The following GYG2 variants were observed in gnomAD, a reference collection of about 807,000 sequenced individuals.
The protein encoded by GYG2 is glycogenin 2, also known as glycogenin-2.
GYG2 carries 29 observed loss-of-function variants against 29.4 expected under a neutral mutation model. That is an observed-to-expected ratio of 0.99 (90% CI 0.74 to 1.35). The LOEUF (loss-of-function observed/expected upper bound fraction) is 1.35, where lower values mean the gene tolerates loss of function less well. Among genes scored for constraint, GYG2 ranks in the 40% most tolerant of loss-of-function variants. GYG2 has a pLI of 0.00. For synonymous variants in GYG2, 167 were observed against 172.3 expected, an observed-to-expected ratio of 0.97 and a Z score of 0.24; for missense variants, 370 against 385.7, an observed-to-expected ratio of 0.96 and a Z score of 0.34.
intron 7 of GYG2, 125 bp downstream of exon 7, chrX:2,860,190 G>T (rs1300003994): frequency 6.6e-6 from 3 of 452,333 alleles, no homozygotes; most frequent in Non-Finnish European, 1.1e-5. Context: ...TCATGGAAAA[G>T]AATACTGAGA....
intron 3 of GYG2, among the ~76,000 whole-genome samples, chrX:2,845,646 CATGTGTATGTACATACATTTATATAT>C (rs1320846730): frequency 1.5e-4 from 16 of 104,792 alleles, no homozygotes; most frequent in Non-Finnish European, 2.5e-4. Flanking sequence ...TTTATATACG[CATGTGTATGTACATACATTTATATAT>C]GCATGTGTAT....
At chrX:2,870,596 C>G (rs1263660445) in intron 8 of GYG2, among the ~76,000 whole-genome samples, 1 of 112,150 alleles carries the variant, frequency 8.9e-6, no homozygotes, top group Non-Finnish European at 1.9e-5. Context: ...ATACTTCAGT[C>G]TACTGACCTA....
At chrX:2,860,879 A>G (rs1262814212) in intron 7 of GYG2, among the ~76,000 whole-genome samples, 1 of 109,854 alleles carries the variant, frequency 9.1e-6, no homozygotes, top group African/African-American at 3.3e-5. Flanking sequence ...ACAGGTGCCT[A>G]CCACCACGCC....
chrX:2,844,232 A>G (rs1245054613), intron 3 of GYG2, among the ~76,000 whole-genome samples: 1 of 112,236 alleles, frequency 8.9e-6, no homozygotes. Flanking sequence ...TAAACTAAAA[A>G]GAGAACAAAT....
chrX:2,852,029 CA>C (rs2087882974), intron 3 of GYG2, among the ~76,000 whole-genome samples: 1 of 112,017 alleles, frequency 8.9e-6, no homozygotes, highest in Non-Finnish European at 1.9e-5. Flanking sequence ...CTGAGGCAGG[CA>C]GATTGCTTGA....
chrX:2,864,952 T>G (rs925457963), intron 8 of GYG2, among the ~76,000 whole-genome samples: 22 of 110,567 alleles, frequency 2.0e-4, no homozygotes, highest in Admixed American at 5.8e-4. Flanking sequence ...AAAGACCGGG[T>G]TTCACCATGT....
intron 8 of GYG2, among the ~76,000 whole-genome samples, chrX:2,866,055 C>T (rs779874817): frequency 2.3e-3 from 258 of 111,783 alleles, no homozygotes; most frequent in Middle Eastern, 0.014. Flanking sequence ...TACTATTCAA[C>T]CATAAAAAAG....
At chrX:2,829,998 CG>C in intron 1 of GYG2, 62 bp from the exon 2 acceptor site, 2 of 447,612 alleles carry the variant, frequency 4.5e-6, no homozygotes, top group Non-Finnish European at 7.8e-6. Flanking sequence ...GGTAGGAGGC[CG>C]GGGGTGACAC....
intron 9 of GYG2, among the ~76,000 whole-genome samples, chrX:2,876,522 A>G (rs1394931397): frequency 8.9e-6 from 1 of 111,740 alleles, no homozygotes; most frequent in Admixed American, 9.5e-5. Flanking sequence ...CATGAATTGC[A>G]TAAGAACTTG....
Position 2,830,094 on chromosome X carries a change from G to C in GYG2, c.-95G>C, listed in dbSNP as rs1170807276. On this transcript the variant is annotated 5_prime_UTR_variant, in exon 2 of 11. Transcript: ENST00000398806. ...ATCCACGCGGATTCCCGGAGACGGC[G>C]CCTCTGCTCTGCGGGTTCGTGGCGA... 1 of 861,032 alleles carries C rather than the reference G, an allele frequency of 1.2e-6. No homozygotes were observed. The highest frequency in any genetic ancestry group is 2.0e-5 in the African/African-American group (1 of 50,764). The allele number at this position is 861,032 out of a possible 1,213,427, so 71.0% of individuals were successfully genotyped here. A position where few individuals can be genotyped will look rare whatever the true frequency, so the allele number is the denominator to read the frequency against.
chrX:2,861,676 T>G lies in GYG2; in HGVS notation c.992T>G (p.Ile331Arg). The change falls in exon 8 of 11, where the codon ATA (isoleucine) becomes AGA (arginine). Residue 331 changes from isoleucine to arginine, a missense_variant. By Grantham distance (97) the Ile-to-Arg change is moderately conservative (BLOSUM62 -3). Transcript: ENST00000398806. Reference protein sequence around the residue: ...PAQGLPEPTQIVDETLSLPEG... With the variant: ...PAQGLPEPTQRVDETLSLPEG... ...CAGGGCCTTCCGGAGCCGACCCAGATAGTGGATGAGACCCTGTCCCTACCT... is the reference window on the plus strand; with the variant it reads ...CAGGGCCTTCCGGAGCCGACCCAGAGAGTGGATGAGACCCTGTCCCTACCT... 8.3e-7 allele frequency: 1 copy of G among 1,203,035 alleles called. No homozygotes were observed.
chrX:2,853,794 C>T (rs1270212437), intron 3 of GYG2, 186 bp from the exon 4 acceptor site: 8 of 402,057 alleles, frequency 2.0e-5, no homozygotes, highest in East Asian at 4.0e-5. Flanking sequence ...CACAAGTGGA[C>T]GGTGTGCACA....
At chrX:2,871,387 T>TAAA (rs57783115) in intron 8 of GYG2, among the ~76,000 whole-genome samples, 1 of 104,115 alleles carries the variant, frequency 9.6e-6, no homozygotes, top group Non-Finnish European at 1.9e-5. Flanking sequence ...CTGATGCACT[T>TAAA]AAAAAAAAAA....
chrX:2,849,316 T>C (rs1246398927), intron 3 of GYG2, among the ~76,000 whole-genome samples: 2 of 111,255 alleles, frequency 1.8e-5, no homozygotes, highest in Non-Finnish European at 3.8e-5. Context: ...GGAAGGGTAC[T>C]TTTTCAGAGA....
intron 10 of GYG2, among the ~76,000 whole-genome samples, chrX:2,880,164 ATG>A (rs10534403): frequency 0.11 from 11,784 of 104,836 alleles, 563 homozygotes; most frequent in African/African-American, 0.19. Context: ...GCCAAACAAA[ATG>A]TGTGTGTGTG....
At position 2,875,813 on chromosome X, in the gene GYG2, A is replaced by G. The variant is rs1461145341; in HGVS notation, c.1042A>G (p.Ile348Val). The G allele has an allele frequency of 2.6e-6, 3 of 1,165,783 alleles. No homozygotes were observed. The highest frequency in any genetic ancestry group is 1.8e-5 in the South Asian group (1 of 55,657). ...CTTTGCTCTTTCTTTATAACAGATGATAGCTTGTCCTGAAACTGAGACTCC... is the reference window on the plus strand; with the variant it reads ...CTTTGCTCTTTCTTTATAACAGATGGTAGCTTGTCCTGAAACTGAGACTCC... ...LPEGRRSEDMIACPETETPAV... is the reference protein window; with the variant it reads ...LPEGRRSEDMVACPETETPAV... The change falls in exon 9 of 11, where the codon ATA becomes GTA. Residue 348 changes from isoleucine (I) to valine (V), a missense_variant. Ile to Val is a conservative substitution (Grantham distance 29). Coordinates refer to ENST00000398806, the MANE Select transcript of GYG2 (RefSeq NM_001079855.2).
chrX:2,857,267 CT>C (rs1233533297), intron 6 of GYG2, among the ~76,000 whole-genome samples: 1 of 84,093 alleles, frequency 1.2e-5, no homozygotes, highest in Middle Eastern at 0.016. Context: ...TCAGATAGAT[CT>C]GGATATCTAT....
intron 8 of GYG2, among the ~76,000 whole-genome samples, chrX:2,875,221 G>A: frequency 8.9e-6 from 1 of 111,771 alleles, no homozygotes; most frequent in Non-Finnish European, 1.9e-5. Context: ...TTCTAGGGCA[G>A]CTCTTCTCAA....
intron 9 of GYG2, 50 bp downstream of exon 9, chrX:2,875,964 T>C (rs1569075829): frequency 1.4e-6 from 1 of 726,986 alleles, no homozygotes; most frequent in East Asian, 3.3e-5. Context: ...TTATTGCTTG[T>C]TATTTTCTCA....
Sources: gnomAD v4.1 joint callset for allele counts (sites outside exome capture counted in the v4.1 genomes callset) on GRCh38, gnomAD v4.1.1 for gene constraint, MANE v1.5 for transcripts, NCBI Gene and HGNC (gene_info 2026-07-23, HGNC 2026-07-21) for gene names.